The following ANKRD30BL variants were observed in gnomAD, a reference collection of about 807,000 sequenced individuals.
ANKRD30BL encodes the protein ankyrin repeat domain 30B like.
Under a neutral mutation model 18.4 loss-of-function variants are expected in ANKRD30BL, and 20 were observed. The ratio of observed to expected loss-of-function variants is 1.09; its 90% CI spans 0.77 to 1.58. The LOEUF is 1.58. ANKRD30BL is among the 40% of genes most tolerant of loss of function. ANKRD30BL has a pLI of 0.00. For missense variants in ANKRD30BL, 224 were observed against 268.6 expected (o/e 0.83, Z 1.16); for synonymous variants, 72 against 100.9 (o/e 0.71, Z 1.72).
At chr2:132,255,011 A>G (rs1240482981) in intron 1 of ANKRD30BL, among the ~76,000 whole-genome samples, 2 of 151,958 alleles carry the variant, frequency 1.3e-5, no homozygotes, top group African/African-American at 4.8e-5. Context: ...CAATTCCTTT[A>G]AGTTTCAGCT....
At chr2:132,155,538 T>C (rs1370923479) in intron 3 of ANKRD30BL, 1 of 152,196 alleles carries the variant, frequency 6.6e-6, no homozygotes, top group East Asian at 1.9e-4. Flanking sequence ...TTTGATTGCT[T>C]ATTATTAAAT....
At chr2:132,185,224 T>C (rs1688542411) in intron 1 of ANKRD30BL, among the ~76,000 whole-genome samples, 1 of 152,252 alleles carries the variant, frequency 6.6e-6, no homozygotes, top group African/African-American at 2.4e-5. Context: ...GATTATTTTA[T>C]GTAGAGAACA....
intron 1 of ANKRD30BL, among the ~76,000 whole-genome samples, chr2:132,219,011 C>T (rs1320488882): frequency 6.6e-6 from 1 of 152,112 alleles, no homozygotes. Context: ...TCAGAAACTT[C>T]TTTGTGCTGT....
chr2:132,211,446 G>A (rs1679346259), intron 1 of ANKRD30BL, among the ~76,000 whole-genome samples: 1 of 152,082 alleles, frequency 6.6e-6, no homozygotes, highest in Non-Finnish European at 1.5e-5. Context: ...TGTGATATAT[G>A]CATTCATCTC....
chr2:132,164,756 A>G (rs1688155611), upstream of ANKRD30BL, among the ~76,000 whole-genome samples: 1 of 152,054 alleles, frequency 6.6e-6, no homozygotes, highest in Admixed American at 6.6e-5. Context: ...ATTTGCATAT[A>G]TTAAGTGACA....
chr2:132,154,808 C>T, intron 3 of ANKRD30BL, 40 bp from the exon 4 acceptor site: 2 of 658,754 alleles, frequency 3.0e-6, no homozygotes, highest in Middle Eastern at 4.0e-4. Flanking sequence ...CATGAAATTA[C>T]ATATTTCTCA....
chr2:132,171,027 G>A (rs1334633829), intron 1 of ANKRD30BL, among the ~76,000 whole-genome samples: 14 of 151,966 alleles, frequency 9.2e-5, no homozygotes, highest in African/African-American at 1.9e-4. Context: ...GTGGTGGCGG[G>A]CGCCTGTAGT....
intron 1 of ANKRD30BL, among the ~76,000 whole-genome samples, chr2:132,228,379 C>A (rs1573867431): frequency 6.6e-6 from 1 of 151,650 alleles, no homozygotes; most frequent in Non-Finnish European, 1.5e-5. Flanking sequence ...GTGGAATCTG[C>A]AAGTGGACAT....
At chr2:132,169,409 G>C (rs898428829) in intron 1 of ANKRD30BL, among the ~76,000 whole-genome samples, 2 of 150,820 alleles carry the variant, frequency 1.3e-5, no homozygotes, top group African/African-American at 4.9e-5. Context: ...AGCACTTTGG[G>C]AGGCTGAGGT....
At chr2:132,242,453 A>G (rs568331164) in intron 1 of ANKRD30BL, among the ~76,000 whole-genome samples, 1 of 151,964 alleles carries the variant, frequency 6.6e-6, no homozygotes, top group African/African-American at 2.4e-5. Flanking sequence ...ATTCCCTTTC[A>G]TAGAGCAGGG....
chr2:132,207,997 G>A (rs1347175290), intron 1 of ANKRD30BL, among the ~76,000 whole-genome samples: 1 of 152,044 alleles, frequency 6.6e-6, no homozygotes, highest in Admixed American at 6.6e-5. Context: ...AGGAGGGGGC[G>A]GGTAATTTTT....
chr2:132,205,062 G>A (rs1055206003), intron 1 of ANKRD30BL, among the ~76,000 whole-genome samples: 14 of 152,150 alleles, frequency 9.2e-5, no homozygotes, highest in African/African-American at 1.7e-4. Context: ...ATACACATAT[G>A]AATACAACTC....
chr2:132,201,852 T>C (rs970193377), intron 1 of ANKRD30BL, among the ~76,000 whole-genome samples: 3 of 152,230 alleles, frequency 2.0e-5, no homozygotes. Flanking sequence ...CGTATGTTTA[T>C]TGTGGCATTA....
At chr2:132,209,408 G>A (rs1033972979) in intron 1 of ANKRD30BL, among the ~76,000 whole-genome samples, 1 of 151,994 alleles carries the variant, frequency 6.6e-6, no homozygotes, top group Non-Finnish European at 1.5e-5. Flanking sequence ...TCATCTCACA[G>A]AGCTGAACAT....
chr2:132,234,403 T>C (rs537590353), intron 1 of ANKRD30BL, among the ~76,000 whole-genome samples: 1 of 151,782 alleles, frequency 6.6e-6, no homozygotes, highest in Non-Finnish European at 1.5e-5. Flanking sequence ...CAGGAGCTGG[T>C]TTTTTGAAAG....
At chr2:132,222,266 T>G (rs375267281) in intron 1 of ANKRD30BL, among the ~76,000 whole-genome samples, 2 of 112,156 alleles carry the variant, frequency 1.8e-5, no homozygotes, top group South Asian at 6.1e-4. Context: ...TGAGGGGCGC[T>G]TCTGCCCGGC....
chr2:132,188,079 C>T (rs898709003), intron 1 of ANKRD30BL, among the ~76,000 whole-genome samples: 1 of 152,096 alleles, frequency 6.6e-6, no homozygotes, highest in Non-Finnish European at 1.5e-5. Context: ...TGTCATTTAG[C>T]TAATTTAATG....
intron 1 of ANKRD30BL, among the ~76,000 whole-genome samples, chr2:132,198,323 T>TCTTTCTTTCTTTCTTTC (rs1679015443): frequency 1.2e-4 from 1 of 8,084 alleles, no homozygotes; most frequent in Non-Finnish European, 4.0e-4. Context: ...TTTCTTTCTT[T>TCTTTCTTTCTTTCTTTC]CTTTTTTTTT....
chr2:132,209,823 C>T (rs1055321142), intron 1 of ANKRD30BL, among the ~76,000 whole-genome samples: 30 of 149,282 alleles, frequency 2.0e-4, no homozygotes, highest in African/African-American at 5.4e-4. Flanking sequence ...ATATTTGGAG[C>T]GTTTTGAGGC....
Sources: allele counts gnomAD v4.1 joint callset (sites outside exome capture counted in the v4.1 genomes callset), GRCh38; gene constraint gnomAD v4.1.1; transcripts MANE v1.5; gene names NCBI Gene and HGNC (gene_info 2026-07-23, HGNC 2026-07-21).